The following OR10J1 variants were observed in gnomAD, a reference collection of about 807,000 sequenced individuals.
OR10J1 encodes olfactory receptor 10J1.
For synonymous variants in OR10J1, 202 were observed against 143.8 expected (o/e 1.40, Z -2.89); for missense variants, 474 against 376.6 (o/e 1.26, Z -2.14).
the OR10J1 span, chr1:159,432,561 G>A: frequency 1.1e-5 from 5 of 472,242 alleles, no homozygotes; most frequent in Admixed American, 1.3e-4. Flanking sequence ...CACAGCCATG[G>A]GGTATGACCA....
the OR10J1 span, among the ~76,000 whole-genome samples, chr1:159,409,129 C>T: frequency 0.024 from 3,640 of 152,190 alleles, 157 homozygotes; most frequent in African/African-American, 0.078. Context: ...AAATGAATCA[C>T]ATCCCTTCTC....
At chr1:159,403,284 G>T in the OR10J1 span, among the ~76,000 whole-genome samples, 1 of 152,074 alleles carries the variant, frequency 6.6e-6, no homozygotes, top group Non-Finnish European at 1.5e-5. Flanking sequence ...AAGTTAAAAA[G>T]CTTCTTCATA....
chr1:159,435,664 A>G (rs1655717293), upstream of OR10J1, among the ~76,000 whole-genome samples: 1 of 152,178 alleles, frequency 6.6e-6, no homozygotes, highest in South Asian at 2.1e-4. Flanking sequence ...ATCTGTTTTG[A>G]GCCCTATCCG....
At position 159,439,937 on chromosome 1, in the gene OR10J1, T is replaced by A; in HGVS notation, c.146T>A (p.Ile49Asn). 6.2e-7 allele frequency: 1 copy of A among 1,614,144 alleles called. No homozygotes were observed. Among genetic ancestry groups the A allele is most frequent in the South Asian group, 1.1e-5 (1 of 91,080 alleles). ...LAGNIIIVTI[I>N]RMDLHLHTPM... ...GGCAATATCATCATTGTGACCATCA[T>A]CCGAATGGATCTTCATCTTCACACA... is the stretch of plus-strand genomic sequence containing the variant. Residue 49 changes from isoleucine to asparagine, a missense_variant, in exon 1 of 1, where the codon ATC (isoleucine) becomes AAC (asparagine). Ile to Asn is a moderately radical substitution (Grantham distance 149, BLOSUM62 -3). Coordinates refer to ENST00000423932, the MANE Select transcript of OR10J1 (RefSeq NM_012351.3).
chr1:159,420,538 T>C, the OR10J1 span, among the ~76,000 whole-genome samples: 19 of 152,266 alleles, frequency 1.2e-4, no homozygotes, highest in African/African-American at 4.6e-4. Flanking sequence ...GTAATCTTTC[T>C]TTTGCTACCA....
the OR10J1 span, among the ~76,000 whole-genome samples, chr1:159,431,346 A>C: frequency 2.0e-5 from 3 of 152,292 alleles, no homozygotes; most frequent in South Asian, 6.2e-4. Flanking sequence ...CTGAACAGAG[A>C]TGGAGCAAGT....
chr1:159,412,080 A>T, the OR10J1 span, among the ~76,000 whole-genome samples: 64 of 152,178 alleles, frequency 4.2e-4, no homozygotes, highest in African/African-American at 1.5e-3. Flanking sequence ...GTGAACTCCC[A>T]TTCACAATTG....
chr1:159,414,695 C>A, the OR10J1 span, among the ~76,000 whole-genome samples: 1 of 152,008 alleles, frequency 6.6e-6, no homozygotes, highest in East Asian at 1.9e-4. Flanking sequence ...TACTAATTTA[C>A]GTTCCCACCA....
upstream of OR10J1, among the ~76,000 whole-genome samples, chr1:159,439,495 C>A (rs1655838788): frequency 6.6e-6 from 1 of 152,020 alleles, no homozygotes; most frequent in Admixed American, 6.6e-5. Flanking sequence ...AGAAGCCATT[C>A]CAGATGTCAG....
At chr1:159,416,311 G>C in the OR10J1 span, among the ~76,000 whole-genome samples, 1 of 152,024 alleles carries the variant, frequency 6.6e-6, no homozygotes, top group Non-Finnish European at 1.5e-5. Flanking sequence ...AATGTTAGCT[G>C]TGGGTTTGTC....
chr1:159,431,480 C>G, the OR10J1 span, among the ~76,000 whole-genome samples: 1 of 152,146 alleles, frequency 6.6e-6, no homozygotes, highest in African/African-American at 2.4e-5. Context: ...AGGTATGTCC[C>G]TTTGCACTGG....
the OR10J1 span, among the ~76,000 whole-genome samples, chr1:159,418,634 G>A: frequency 3.7e-3 from 563 of 152,316 alleles, 5 homozygotes; most frequent in African/African-American, 0.013. Context: ...CAGTGTGGCA[G>A]GAAAATGCGT....
the OR10J1 span, among the ~76,000 whole-genome samples, chr1:159,399,381 C>G: frequency 1.3e-5 from 2 of 151,808 alleles, no homozygotes; most frequent in Non-Finnish European, 2.9e-5. Flanking sequence ...ACCATCCTGG[C>G]TAACACGGTG....
At chr1:159,416,274 G>A in the OR10J1 span, among the ~76,000 whole-genome samples, 1 of 151,902 alleles carries the variant, frequency 6.6e-6, no homozygotes, top group Admixed American at 6.6e-5. Context: ...TTAGATAAAA[G>A]GCTTTCAGGT....
chr1:159,417,145 A>G, the OR10J1 span, among the ~76,000 whole-genome samples: 4 of 152,202 alleles, frequency 2.6e-5, no homozygotes, highest in African/African-American at 9.6e-5. Flanking sequence ...AGTTCATTGA[A>G]GTAAATCATT....
the OR10J1 span, among the ~76,000 whole-genome samples, chr1:159,426,106 T>TA: frequency 6.6e-6 from 1 of 151,826 alleles, no homozygotes; most frequent in African/African-American, 2.4e-5. Flanking sequence ...AAACAAATTT[T>TA]AAAAAACAAT....
the OR10J1 span, among the ~76,000 whole-genome samples, chr1:159,400,957 A>C: frequency 1.3e-5 from 2 of 151,476 alleles, no homozygotes; most frequent in East Asian, 3.8e-4. Context: ...GAAATGAATA[A>C]TCAGAAATTT....
chr1:159,407,434 A>T, the OR10J1 span, among the ~76,000 whole-genome samples: 1 of 152,132 alleles, frequency 6.6e-6, no homozygotes, highest in Non-Finnish European at 1.5e-5. Context: ...TAAATCCATT[A>T]ATATCTCAAA....
chr1:159,401,206 GCAAGA>G, the OR10J1 span, among the ~76,000 whole-genome samples: 2 of 151,042 alleles, frequency 1.3e-5, no homozygotes, highest in African/African-American at 4.8e-5. Context: ...AACTAGAATA[GCAAGA>G]GCAAACCAAA....
Sources: gnomAD v4.1 joint callset for allele counts (sites outside exome capture counted in the v4.1 genomes callset) on GRCh38, gnomAD v4.1.1 for gene constraint, MANE v1.5 for transcripts, NCBI Gene and HGNC (gene_info 2026-07-23, HGNC 2026-07-21) for gene names.